SETD3: variants seen among roughly 807,000 people sequenced by gnomAD.
The protein encoded by SETD3 is SET domain containing 3, actin N3(tau)-histidine methyltransferase, also known as actin-histidine N-methyltransferase.
Under a neutral mutation model 63.0 loss-of-function variants are expected in SETD3, and 19 were observed. The ratio of observed to expected loss-of-function variants is 0.30; its 90% CI spans 0.21 to 0.44. SETD3 has a LOEUF of 0.44. Among genes scored for constraint, SETD3 ranks in the 20% least tolerant of loss-of-function variants. The pLI is 1.00. For missense variants in SETD3, 587 were observed against 728.5 expected, an observed-to-expected ratio of 0.81 and a Z score of 2.24; for synonymous variants, 286 against 264.1, an observed-to-expected ratio of 1.08 and a Z score of -0.80.
At chr14:99,405,109 TGGAGA>T (rs1891608773) in intron 10 of SETD3, 91 bp downstream of exon 10, 3 of 1,479,124 alleles carry the variant, frequency 2.0e-6, no homozygotes, top group East Asian at 4.6e-5. Context: ...GACAAACTAC[TGGAGA>T]GAAGTTTTAT....
chr14:99,478,461 T>C (rs1325868649), intron 1 of SETD3, among the ~76,000 whole-genome samples: 1 of 152,186 alleles, frequency 6.6e-6, no homozygotes, highest in Non-Finnish European at 1.5e-5. Context: ...AAAAGAAAGA[T>C]ACAGTATTAC....
intron 6 of SETD3, among the ~76,000 whole-genome samples, chr14:99,419,369 A>T (rs1892452716): frequency 6.6e-6 from 1 of 152,242 alleles, no homozygotes; most frequent in African/African-American, 2.4e-5. Flanking sequence ...TAAATTTATA[A>T]AATTATGATG....
intron 8 of SETD3, among the ~76,000 whole-genome samples, chr14:99,407,813 C>G (rs75051507): frequency 0.04 from 6,034 of 152,250 alleles, 391 homozygotes; most frequent in African/African-American, 0.14. Context: ...CCGTCGGTCA[C>G]ACTTGGAAGC....
intron 6 of SETD3, among the ~76,000 whole-genome samples, chr14:99,443,894 G>T (rs1310148218): frequency 6.6e-6 from 1 of 152,278 alleles, no homozygotes; most frequent in East Asian, 1.9e-4. Context: ...CTTGAGCAGG[G>T]TCATGACTCT....
intron 1 of SETD3, among the ~76,000 whole-genome samples, chr14:99,471,758 A>G (rs1027781462): frequency 2.0e-5 from 3 of 152,258 alleles, no homozygotes; most frequent in Non-Finnish European, 4.4e-5. Context: ...GAATTTTTAA[A>G]GCATTATTGG....
chr14:99,406,975 A>G (rs547276005), intron 8 of SETD3, among the ~76,000 whole-genome samples: 2 of 152,336 alleles, frequency 1.3e-5, no homozygotes, highest in East Asian at 3.9e-4. Context: ...GACGATCTGC[A>G]CTATTCTCAT....
chr14:99,400,237 C>A lies in SETD3; in HGVS notation c.1200G>T (p.Leu400=), dbSNP rs1316258543. 6.2e-7 allele frequency: 1 copy of A among 1,612,154 alleles called. No homozygotes were observed. The highest frequency in any genetic ancestry group is 1.3e-5 in the African/African-American group (1 of 74,848). ...MTEEELKEHL[L]GDSAIDRIFT... ...AGATTCTATCAATAGCGCTGTCTCC[C>A]AGCAAGTGTTCTTTCAGTTCTTCTA... is the stretch of plus-strand genomic sequence containing the variant. Residue 400 remains leucine (L), a synonymous_variant, in exon 12 of 13, where the codon CTG becomes CTT. Coordinates refer to ENST00000331768, the MANE Select transcript of SETD3 (RefSeq NM_032233.3).
chr14:99,468,156 T>TAAAA (rs34626094), intron 1 of SETD3, among the ~76,000 whole-genome samples: 2 of 131,948 alleles, frequency 1.5e-5, no homozygotes, highest in Non-Finnish European at 3.2e-5. Flanking sequence ...AATACAGATT[T>TAAAA]AAAAAAAAAA....
chr14:99,446,677 C>A (rs533054004), intron 6 of SETD3, among the ~76,000 whole-genome samples: 9 of 152,278 alleles, frequency 5.9e-5, no homozygotes, highest in African/African-American at 1.9e-4. Flanking sequence ...AAAAGCAACA[C>A]TTTTCCTAAA....
intron 6 of SETD3, among the ~76,000 whole-genome samples, chr14:99,454,253 G>C (rs975412653): frequency 6.6e-6 from 1 of 151,844 alleles, no homozygotes; most frequent in Admixed American, 6.6e-5. Flanking sequence ...GCAGTGGTGT[G>C]ACCATAGATC....
At chr14:99,444,046 G>A (rs1192517118) in intron 6 of SETD3, among the ~76,000 whole-genome samples, 2 of 152,102 alleles carry the variant, frequency 1.3e-5, no homozygotes, top group African/African-American at 4.8e-5. Flanking sequence ...CCTTTCTACA[G>A]GGAACCTAAG....
At chr14:99,473,847 A>C (rs970958918) in intron 1 of SETD3, among the ~76,000 whole-genome samples, 1 of 152,198 alleles carries the variant, frequency 6.6e-6, no homozygotes, top group Non-Finnish European at 1.5e-5. Flanking sequence ...TAATTGTACA[A>C]TGTTTCCTTT....
At chr14:99,479,892 G>T (rs192317686) in intron 1 of SETD3, among the ~76,000 whole-genome samples, 2 of 152,338 alleles carry the variant, frequency 1.3e-5, no homozygotes, top group Non-Finnish European at 2.9e-5. Flanking sequence ...AACACCGGCC[G>T]GGCAGGGGTG....
intron 6 of SETD3, among the ~76,000 whole-genome samples, chr14:99,437,129 T>G (rs916106105): frequency 6.6e-6 from 1 of 152,186 alleles, no homozygotes; most frequent in African/African-American, 2.4e-5. Flanking sequence ...ATTTCCTCAC[T>G]GTCAAATGAG....
chr14:99,464,174 G>A (rs1258451203), intron 2 of SETD3, among the ~76,000 whole-genome samples: 1 of 152,212 alleles, frequency 6.6e-6, no homozygotes, highest in East Asian at 1.9e-4. Context: ...AGATTCCACT[G>A]TGGGGCCAGA....
rs189220743 is a variant in SETD3, at chr14:99,403,700, T to C, written c.1177+525A>G. On this transcript the variant is annotated intron_variant, in intron 11 of 12. Transcript: ENST00000331768. ...AGGCTGTAGCCAGGAACATTTTGTGTTCTACACAGATTCTGTTTGCAATGT... is the reference window on the plus strand; with the variant it reads ...AGGCTGTAGCCAGGAACATTTTGTGCTCTACACAGATTCTGTTTGCAATGT... 8.5e-5 allele frequency among the ~76,000 whole-genome samples: 13 copies of C among 152,266 alleles called. No individual in the cohort carries two copies. The East Asian group carries it at 2.5e-3, about 29-fold the overall frequency.
chr14:99,468,985 C>G (rs1326732561), intron 1 of SETD3, among the ~76,000 whole-genome samples: 5 of 152,212 alleles, frequency 3.3e-5, no homozygotes, highest in Admixed American at 3.3e-4. Flanking sequence ...ATCCTCATTT[C>G]TGAAGCTTCT....
At chr14:99,405,507 G>T in intron 9 of SETD3, 136 bp from the exon 10 acceptor site, 1 of 986,064 alleles carries the variant, frequency 1.0e-6, no homozygotes, top group Non-Finnish European at 1.4e-6. Context: ...CACCTGTTTG[G>T]TATAGGTTGC....
intron 8 of SETD3, among the ~76,000 whole-genome samples, chr14:99,409,466 G>C (rs1450325794): frequency 2.0e-5 from 3 of 152,166 alleles, no homozygotes; most frequent in Admixed American, 2.0e-4. Flanking sequence ...GCTCCATGGA[G>C]CCCTGCTCCC....
Sources: allele counts gnomAD v4.1 joint callset (sites outside exome capture counted in the v4.1 genomes callset), GRCh38; gene constraint gnomAD v4.1.1; transcripts MANE v1.5; gene names NCBI Gene and HGNC (gene_info 2026-07-23, HGNC 2026-07-21).